Variants in CDH12 observed in about 807,000 individuals in gnomAD.
CDH12 encodes the protein cadherin 12.
In CDH12, 41 loss-of-function variants were observed where a neutral mutation model predicts 74.1. The observed-to-expected ratio is 0.55, with a 90% CI of 0.43 to 0.72. The LOEUF is 0.72. Ranked by LOEUF, CDH12 falls within the 30% of genes least tolerant of loss-of-function variation. The pLI is 0.00. For synonymous variants in CDH12, 399 were observed against 355.0 expected, an observed-to-expected ratio of 1.12 and a Z score of -1.39; for missense variants, 945 against 977.2, an observed-to-expected ratio of 0.97 and a Z score of 0.44.
At chr5:22,483,806 T>C (rs892894932) in intron 2 of CDH12, among the ~76,000 whole-genome samples, 2 of 102,440 alleles carry the variant, frequency 2.0e-5, no homozygotes, top group Admixed American at 1.2e-4. Flanking sequence ...CTGTAGTCCC[T>C]ACTACTCTGA....
Position 22,787,783 on chromosome 5 carries a change from G to A in CDH12, c.-523+65275C>T, listed in dbSNP as rs535378953. The stretch of plus-strand genomic sequence containing the variant: ...TACATGCACATACGGCTGTTAGCAG[G>A]TCCTCACTCGCTGGTTTCCAGAGTC... On this transcript the variant is annotated intron_variant, in intron 1 of 14. Transcript: ENST00000382254. Among the ~76,000 whole-genome samples, 236 of 152,258 alleles carry A rather than the reference G, an allele frequency of 1.5e-3. 3 individuals carry two copies. Among genetic ancestry groups the A allele is most frequent in the Non-Finnish European group, 4.0e-4 (27 of 68,020 alleles).
Position 21,757,787 on chromosome 5 carries a change from C to G in CDH12, c.1634-1945G>C, listed in dbSNP as rs551950636. 1.1e-4 allele frequency among the ~76,000 whole-genome samples: 16 copies of G among 152,292 alleles called. No homozygotes were observed. The East Asian group carries it at 2.3e-3, about 22-fold the overall frequency. On this transcript the variant is annotated intron_variant, in intron 13 of 14. Transcript: ENST00000382254. ...TGGGTTTGGTGAATGATGTGACTAT[C>G]TACCTAGTTGCTGAAGCCTAAGACC...
intron 1 of CDH12, among the ~76,000 whole-genome samples, chr5:22,537,947 G>T (rs1013599061): frequency 2.0e-5 from 3 of 152,202 alleles, no homozygotes; most frequent in Non-Finnish European, 2.9e-5. Flanking sequence ...GGGCACTGCT[G>T]ACATTTTGGG....
chr5:22,527,208 T>C (rs1033715058), intron 1 of CDH12, among the ~76,000 whole-genome samples: 4 of 152,228 alleles, frequency 2.6e-5, no homozygotes, highest in Admixed American at 6.6e-5. Context: ...TATAAATTAG[T>C]ATAAATTCTT....
At chr5:22,248,035 G>T (rs988168612) in intron 3 of CDH12, among the ~76,000 whole-genome samples, 6 of 152,156 alleles carry the variant, frequency 3.9e-5, no homozygotes, top group Non-Finnish European at 4.4e-5. Flanking sequence ...AGTGGCTCAC[G>T]CCTGTAATCC....
intron 1 of CDH12, among the ~76,000 whole-genome samples, chr5:22,571,773 G>A (rs907782360): frequency 1.3e-5 from 2 of 152,142 alleles, no homozygotes; most frequent in African/African-American, 4.8e-5. Context: ...GAGGGAGAGA[G>A]ACAAGGAAAA....
chr5:22,801,636 C>CAT (rs568139109), intron 1 of CDH12, among the ~76,000 whole-genome samples: 777 of 50,806 alleles, frequency 0.015, 18 homozygotes, highest in Middle Eastern at 0.026. Context: ...CTCTGCTTAT[C>CAT]ATATATATAT....
intron 7 of CDH12, among the ~76,000 whole-genome samples, chr5:21,845,218 A>G (rs530683624): frequency 3.3e-5 from 5 of 152,262 alleles, no homozygotes; most frequent in African/African-American, 9.6e-5. Context: ...ATATGTAAAG[A>G]TAGTGTTTAT....
intron 5 of CDH12, among the ~76,000 whole-genome samples, chr5:22,054,099 C>T (rs1740574858): frequency 6.6e-6 from 1 of 151,822 alleles, no homozygotes; most frequent in Non-Finnish European, 1.5e-5. Context: ...TACTCTCCTC[C>T]CTGGTCAAGG....
intron 9 of CDH12, among the ~76,000 whole-genome samples, chr5:21,812,177 T>A (rs973230881): frequency 2.6e-5 from 4 of 152,102 alleles, no homozygotes; most frequent in Non-Finnish European, 5.9e-5. Context: ...AAACAAAGCA[T>A]GTCATGCCTC....
intron 1 of CDH12, among the ~76,000 whole-genome samples, chr5:22,551,770 A>T (rs1248907547): frequency 6.8e-6 from 1 of 147,024 alleles, no homozygotes; most frequent in Non-Finnish European, 1.5e-5. Flanking sequence ...ATTTAAAATA[A>T]CAGCTGTGCA....
chr5:22,824,423 A>T (rs1007683918), intron 1 of CDH12, among the ~76,000 whole-genome samples: 1 of 152,180 alleles, frequency 6.6e-6, no homozygotes, highest in African/African-American at 2.4e-5. Flanking sequence ...AAAAGCATAC[A>T]CATACAAATG....
intron 1 of CDH12, among the ~76,000 whole-genome samples, chr5:22,817,420 A>G (rs1445659714): frequency 1.3e-5 from 2 of 152,148 alleles, no homozygotes; most frequent in African/African-American, 2.4e-5. Flanking sequence ...ACTTACAAAT[A>G]TTTAAATTAC....
chr5:22,535,158 CT>C (rs1428084818), intron 1 of CDH12, among the ~76,000 whole-genome samples: 39 of 75,432 alleles, frequency 5.2e-4, no homozygotes, highest in East Asian at 2.0e-3. Context: ...TTTTTTTTTT[CT>C]TTTTTTTTTT....
intron 4 of CDH12, among the ~76,000 whole-genome samples, chr5:22,163,312 A>C (rs984399903): frequency 2.0e-4 from 30 of 152,126 alleles, no homozygotes; most frequent in Non-Finnish European, 1.5e-4. Context: ...ACCACTTCCA[A>C]ATACATATTT....
chr5:21,769,187 A>G (rs995893937), intron 11 of CDH12, among the ~76,000 whole-genome samples: 3 of 152,210 alleles, frequency 2.0e-5, no homozygotes, highest in Non-Finnish European at 4.4e-5. Flanking sequence ...AACACTGTGC[A>G]CAGAATAAGA....
At chr5:22,094,695 T>C (rs60526843) in intron 4 of CDH12, among the ~76,000 whole-genome samples, 3,086 of 152,174 alleles carry the variant, frequency 0.02, 94 homozygotes, top group African/African-American at 0.071. Context: ...GCACAAACAA[T>C]TGGAACTGTC....
intron 4 of CDH12, among the ~76,000 whole-genome samples, chr5:22,113,490 A>G (rs1744928454): frequency 6.6e-6 from 1 of 152,078 alleles, no homozygotes; most frequent in African/African-American, 2.4e-5. Context: ...TATCAATCAG[A>G]AAATGTTTAA....
intron 3 of CDH12, among the ~76,000 whole-genome samples, chr5:22,387,136 T>C (rs1742031305): frequency 6.6e-6 from 1 of 151,982 alleles, no homozygotes. Flanking sequence ...GCCTAGAAAA[T>C]AGAGGATGCT....
Sources: gnomAD v4.1 joint callset for allele counts (sites outside exome capture counted in the v4.1 genomes callset) on GRCh38, gnomAD v4.1.1 for gene constraint, MANE v1.5 for transcripts, NCBI Gene and HGNC (gene_info 2026-07-23, HGNC 2026-07-21) for gene names.